Variants in ATP8B1 observed in about 807,000 individuals in gnomAD.
ATP8B1 encodes phospholipid-transporting ATPase IC.
ATP8B1 carries 80 observed loss-of-function variants against 149.9 expected under a neutral mutation model. The ratio of observed to expected loss-of-function variants is 0.53; its 90% confidence interval spans 0.45 to 0.64. ATP8B1 has a LOEUF of 0.64. Among genes scored for constraint, ATP8B1 ranks in the 30% least tolerant of loss-of-function variants. ATP8B1 has a pLI of 0.00. For missense variants in ATP8B1, 1,247 were observed against 1,552.6 expected (o/e 0.80, Z 3.31); for synonymous variants, 536 against 562.8 (o/e 0.95, Z 0.67).
chr18:57,718,594 T>C (rs908328887), intron 2 of ATP8B1, among the ~76,000 whole-genome samples: 27 of 152,164 alleles, frequency 1.8e-4, no homozygotes, highest in African/African-American at 5.3e-4. Flanking sequence ...GCCAATATCA[T>C]TGATGAATGT....
At position 57,791,509 on chromosome 18, in the gene ATP8B1, C is replaced by T. The variant is rs115414773; in HGVS notation, c.-26+11489G>A. Among the ~76,000 whole-genome samples, 1,186 of 151,796 alleles carry T rather than the reference C, an allele frequency of 7.8e-3. 15 individuals are homozygous for T. Among genetic ancestry groups the T allele is most frequent in the African/African-American group, 0.028 (1,140 of 41,412 alleles). ...AGGATTACAGGTGCCCACCACTGCA[C>T]CTTTTTGTATTTTTAGTAGAGACGG... On this transcript the variant is annotated intron_variant, in intron 1 of 27. Transcript: ENST00000648908.
intron 2 of ATP8B1, among the ~76,000 whole-genome samples, chr18:57,727,918 C>T (rs1023462011): frequency 6.6e-6 from 1 of 152,188 alleles, no homozygotes; most frequent in African/African-American, 2.4e-5. Context: ...AAAACATTCC[C>T]GCTCATTTCT....
intron 1 of ATP8B1, among the ~76,000 whole-genome samples, chr18:57,734,637 C>T (rs1027595943): frequency 6.6e-6 from 1 of 152,140 alleles, no homozygotes; most frequent in Non-Finnish European, 1.5e-5. Context: ...TTAGATTCTA[C>T]TGCATGATGC....
chr18:57,722,335 AT>A (rs1291938576), intron 2 of ATP8B1, among the ~76,000 whole-genome samples: 1 of 150,308 alleles, frequency 6.7e-6, no homozygotes, highest in Admixed American at 6.6e-5. Context: ...GATCAACAAA[AT>A]TGATAGACCG....
Position 57,692,584 on chromosome 18 carries a change from C to T in ATP8B1, c.1030-587G>A, listed in dbSNP as rs189644263. On this transcript the variant is annotated intron_variant, in intron 11 of 27. Coordinates refer to ENST00000648908, the MANE Select transcript of ATP8B1 (RefSeq NM_001374385.1). Reference sequence around the variant, plus strand: ...CTGAGTAGCTGGGATTACAGGCACGCGCCACCAAGGCCGGCTAATTTTTGT... The same window carrying T: ...CTGAGTAGCTGGGATTACAGGCACGTGCCACCAAGGCCGGCTAATTTTTGT... 3.2e-4 allele frequency among the ~76,000 whole-genome samples: 48 copies of T among 151,916 alleles called. No individual in the cohort carries two copies. In the East Asian group the frequency reaches 6.8e-3, roughly 21 times the overall value.
intron 13 of ATP8B1, among the ~76,000 whole-genome samples, chr18:57,685,401 T>C (rs1912185897): frequency 6.6e-6 from 1 of 152,136 alleles, no homozygotes; most frequent in African/African-American, 2.4e-5. Context: ...GTGAGCCACG[T>C]CCTCAGCCCC....
chr18:57,750,810 A>C (rs1168360344), intron 1 of ATP8B1, among the ~76,000 whole-genome samples: 1 of 152,210 alleles, frequency 6.6e-6, no homozygotes, highest in African/African-American at 2.4e-5. Flanking sequence ...CATGTGTCAC[A>C]TGAGTATTTA....
chr18:57,740,110 G>T (rs2079897093), intron 1 of ATP8B1, among the ~76,000 whole-genome samples: 1 of 152,050 alleles, frequency 6.6e-6, no homozygotes, highest in Admixed American at 6.6e-5. Flanking sequence ...TTTGTTTTGA[G>T]ATGGAGTTTT....
intron 1 of ATP8B1, among the ~76,000 whole-genome samples, chr18:57,769,741 C>G (rs2080248902): frequency 6.6e-6 from 1 of 152,204 alleles, no homozygotes; most frequent in African/African-American, 2.4e-5. Flanking sequence ...CCTGGGGCAT[C>G]CCAAATGCAC....
intron 1 of ATP8B1, among the ~76,000 whole-genome samples, chr18:57,738,631 TAAATAAAATAAAATA>T (rs10597047): frequency 6.6e-6 from 1 of 150,770 alleles, no homozygotes; most frequent in Non-Finnish European, 1.5e-5. Context: ...AATAAATAAA[TAAATAAAATAAAATA>T]AAATAAAATA....
Position 57,668,519 on chromosome 18 carries a change from C to T in ATP8B1, c.2119G>A (p.Glu707Lys), listed in dbSNP as rs769175157. ...GGAACTCCATCCTGTAGCTTGTCTT[C>T]AATAGCTGTAGCTCCCAGGAGCTAG... Reference protein sequence around the residue: ...DLILLGATAIEDKLQDGVPET... With the variant: ...DLILLGATAIKDKLQDGVPET... Residue 707 changes from glutamate (E) to lysine (K), a missense_variant, in exon 19 of 28, where the codon GAA becomes AAA. Physicochemically the swap from Glu to Lys is moderately conservative, Grantham distance 56. This residue lies in a region of ATP8B1 where 853 missense variants were observed against 1,035.7 expected (regional missense o/e 0.82). Coordinates refer to ENST00000648908, the MANE Select transcript of ATP8B1 (RefSeq NM_001374385.1). 5.3e-6 allele frequency: 6 copies of T among 1,140,392 alleles called. No individual in the cohort carries two copies. Among genetic ancestry groups the T allele is most frequent in the Non-Finnish European group, 7.7e-6 (6 of 784,212 alleles). 70.6% of individuals were successfully genotyped at this position (1,140,392 alleles called of 1,614,324 possible). A position where few individuals can be genotyped will look rare whatever the true frequency, so the allele number is the denominator to read the frequency against.
chr18:57,792,532 G>T (rs2080473643), intron 1 of ATP8B1, among the ~76,000 whole-genome samples: 1 of 152,066 alleles, frequency 6.6e-6, no homozygotes, highest in African/African-American at 2.4e-5. Flanking sequence ...TACATAAAAT[G>T]CCCGGAATCG....
At chr18:57,764,395 CTCTT>C (rs1256682857) in intron 1 of ATP8B1, among the ~76,000 whole-genome samples, 11 of 141,090 alleles carry the variant, frequency 7.8e-5, no homozygotes, top group South Asian at 2.3e-4. Flanking sequence ...CTCTCTTTCT[CTCTT>C]TCTTTCTTTC....
rs529081700 is a variant in ATP8B1, at chr18:57,650,505, G to T, written c.3401-8C>A. 1 of 1,612,558 alleles carries T rather than the reference G, an allele frequency of 6.2e-7. No individual in the cohort carries two copies. Among genetic ancestry groups the T allele is most frequent in the South Asian group, 1.1e-5 (1 of 91,016 alleles). The stretch of plus-strand genomic sequence containing the variant: ...GAGCGTTTGAAGCTGTGCCTGTAAA[G>T]AACATGGCAAATGCATCACTGTGGT... On this transcript the variant is annotated splice_region_variant and splice_polypyrimidine_tract_variant and intron_variant, in intron 26 of 27. Coordinates refer to ENST00000648908, the MANE Select transcript of ATP8B1 (RefSeq NM_001374385.1).
chr18:57,662,435 A>C (rs766622145), intron 21 of ATP8B1, 48 bp downstream of exon 21: 4 of 1,611,564 alleles, frequency 2.5e-6, no homozygotes, highest in Admixed American at 3.3e-5. Flanking sequence ...GCTCCAAATG[A>C]ACTTCTTTCT....
At chr18:57,770,015 C>T (rs1346318706) in intron 1 of ATP8B1, among the ~76,000 whole-genome samples, 1 of 151,876 alleles carries the variant, frequency 6.6e-6, no homozygotes, top group Non-Finnish European at 1.5e-5. Context: ...TAAAACCCAG[C>T]CAGCCCAGCA....
chr18:57,699,021 T>C (rs1367458453), intron 6 of ATP8B1, among the ~76,000 whole-genome samples: 1 of 152,228 alleles, frequency 6.6e-6, no homozygotes, highest in Non-Finnish European at 1.5e-5. Flanking sequence ...CATAAGTGTT[T>C]GTTAAATTAA....
At chr18:57,671,073 T>A (rs1911194767) in intron 17 of ATP8B1, among the ~76,000 whole-genome samples, 1 of 152,216 alleles carries the variant, frequency 6.6e-6, no homozygotes, top group Admixed American at 6.5e-5. Context: ...TCTGTCATCC[T>A]GTCACATATG....
In ATP8B1 at chr18:57,669,050, T is replaced by C. The variant is rs192646599; in HGVS notation, c.2097+268A>G. The stretch of plus-strand genomic sequence containing the variant: ...CAGGTTTGTTATTGTTTAAAAATTA[T>C]AATAAATTTTAATAAGTGATATACA... On this transcript the variant is annotated intron_variant, in intron 18 of 27. Coordinates refer to ENST00000648908, the MANE Select transcript of ATP8B1 (RefSeq NM_001374385.1). The C allele has an allele frequency of 7.9e-4, 217 of 273,940 alleles. 1 individual carries two copies. The highest frequency in any genetic ancestry group is 4.6e-3 in the African/African-American group (209 of 45,536). The allele number at this position is 273,940 out of a possible 1,614,324, so 17.0% of individuals were successfully genotyped here.
Sources: gnomAD v4.1 joint callset for allele counts (sites outside exome capture counted in the v4.1 genomes callset) on GRCh38, gnomAD v4.1.1 for gene constraint, gnomAD v4.1.1 regional missense constraint, MANE v1.5 for transcripts, NCBI Gene and HGNC (gene_info 2026-07-23, HGNC 2026-07-21) for gene names.